CHAF1A: variants seen among roughly 807,000 people sequenced by gnomAD.
CHAF1A encodes CAF-1 subunit A.
In CHAF1A, 5 loss-of-function variants were observed where a neutral mutation model predicts 93.2. The ratio of observed to expected loss-of-function variants is 0.05; its 90% CI spans 0.03 to 0.11. The LOEUF is 0.11. Among genes scored for constraint, CHAF1A ranks in the 10% least tolerant of loss-of-function variants. The pLI, the probability that CHAF1A is intolerant of heterozygous loss-of-function variation, is 1.00. For synonymous variants in CHAF1A, 504 were observed against 510.3 expected (o/e 0.99, Z 0.17); for missense variants, 1,102 against 1,259.9 (o/e 0.87, Z 1.90).
chr19:4,445,623 C>G (rs374894185), downstream of CHAF1A: 2 of 1,612,606 alleles, frequency 1.2e-6, no homozygotes, highest in Non-Finnish European at 1.7e-6. Flanking sequence ...GCAGAGGGCA[C>G]CTGCGGTAGG....
chr19:4,407,914 C>G (rs1052417839), intron 2 of CHAF1A, among the ~76,000 whole-genome samples: 1 of 151,870 alleles, frequency 6.6e-6, no homozygotes, highest in African/African-American at 2.4e-5. Flanking sequence ...CGCCATTGCA[C>G]TCCAACATGG....
chr19:4,414,692 A>G (rs978518017), intron 3 of CHAF1A, among the ~76,000 whole-genome samples: 19 of 152,062 alleles, frequency 1.2e-4, no homozygotes, highest in African/African-American at 4.6e-4. Context: ...TGTAGGTTAC[A>G]GAGCTGTTTT....
intron 11 of CHAF1A, 144 bp downstream of exon 11, chr19:4,430,785 G>A (rs937888844): frequency 4.5e-5 from 36 of 795,624 alleles, no homozygotes; most frequent in Middle Eastern, 3.7e-4. Flanking sequence ...AAGCTCACTC[G>A]TGGGAACAGC....
Position 4,422,908 on chromosome 19 carries a change from C to T in CHAF1A, c.1247+113C>T. On this transcript the variant is annotated intron_variant, in intron 5 of 14. Transcript: ENST00000301280. The surrounding 1 kb of genome is among the most constrained non-coding windows in gnomAD (Gnocchi z 4.6). Reference sequence around the variant, plus strand: ...AGGCAGATGGCGGCTCCCTTCAGTTCCTTCCCATTTCTCCTTCGTGAGGTG... The same window carrying T: ...AGGCAGATGGCGGCTCCCTTCAGTTTCTTCCCATTTCTCCTTCGTGAGGTG... 9.9e-7 allele frequency: 1 copy of T among 1,010,196 alleles called. No individual in the cohort carries two copies. 62.6% of individuals were successfully genotyped at this position (1,010,196 alleles called of 1,614,324 possible).
downstream of CHAF1A, chr19:4,447,412 G>A (rs1183040836): frequency 4.6e-5 from 41 of 891,868 alleles, 3 homozygotes; most frequent in South Asian, 4.6e-4. Context: ...TCTACTGGCC[G>A]AACCCTTCAC....
At chr19:4,403,658 A>C (rs1282919836) in intron 1 of CHAF1A, among the ~76,000 whole-genome samples, 1 of 152,264 alleles carries the variant, frequency 6.6e-6, no homozygotes, top group Non-Finnish European at 1.5e-5. Context: ...TTTGCAGGCC[A>C]GTAGCAGCCC....
chr19:4,420,563 C>T (rs906663505), intron 4 of CHAF1A, among the ~76,000 whole-genome samples: 4 of 152,184 alleles, frequency 2.6e-5, no homozygotes, highest in Non-Finnish European at 5.9e-5. Context: ...CATTGAACTT[C>T]AGATTACGTA....
chr19:4,423,912 CT>C (rs1974035720), intron 7 of CHAF1A, 38 bp downstream of exon 7: 2 of 1,583,236 alleles, frequency 1.3e-6, no homozygotes, highest in Non-Finnish European at 1.7e-6. Flanking sequence ...GGTTTCAGCT[CT>C]GCTAGACTTT....
intron 3 of CHAF1A, among the ~76,000 whole-genome samples, chr19:4,416,764 G>T (rs778590352): frequency 6.6e-6 from 1 of 152,014 alleles, no homozygotes. Context: ...GGTGGCACAC[G>T]CCTATAATCC....
At chr19:4,442,143 TG>T in intron 13 of CHAF1A, 101 bp from the exon 14 acceptor site, 1 of 863,224 alleles carries the variant, frequency 1.2e-6, no homozygotes, top group Non-Finnish European at 1.9e-6. Context: ...GTGTTGGGGG[TG>T]GGAGGAAGGT....
rs994023037 is a variant in CHAF1A, at chr19:4,402,752, C to T, written c.-11C>T. 10 of 1,202,400 alleles carry T rather than the reference C, an allele frequency of 8.3e-6. No individual in the cohort carries two copies. Among genetic ancestry groups the T allele is most frequent in the Non-Finnish European group, 1.0e-5 (10 of 968,898 alleles). The allele number at this position is 1,202,400 out of a possible 1,614,324, so 74.5% of individuals were successfully genotyped here. On this transcript the variant is annotated 5_prime_UTR_variant, in exon 1 of 15. Transcript: ENST00000301280. ...CGCCGCCTGAGAGGAGGTCGAGCTG[C>T]CGCCGGGGCGATGCTGGAGGAGCTG...
In CHAF1A at chr19:4,433,374, G is replaced by A. The variant is rs774612507; in HGVS notation, c.2508G>A (p.Pro836=). ...QSFQQEHLPV[P]CQWSYVTSVP... ...TCCAGCAGGAGCACCTGCCCGTGCC[G>A]TGCCAGTGGAGCTATGTGACATCGG... The change falls in exon 13 of 15, where the codon CCG becomes CCA. Residue 836 remains proline (P), a synonymous_variant. Transcript: ENST00000301280. The surrounding 1 kb of genome is among the most constrained non-coding windows in gnomAD (Gnocchi z 5.6). The A allele has an allele frequency of 3.2e-5, 51 of 1,613,048 alleles. No homozygotes were observed. The Admixed American group carries it at 4.2e-4, about 13-fold the overall frequency.
At position 4,422,624 on chromosome 19, in the gene CHAF1A, A is replaced by G; in HGVS notation, c.1076A>G (p.Lys359Arg). The change falls in exon 5 of 15, where the codon AAG becomes AGG. Residue 359 changes from lysine (K) to arginine (R), a missense_variant. Coordinates refer to ENST00000301280, the MANE Select transcript of CHAF1A (RefSeq NM_005483.3). This position sits in a 1 kb window ranked among gnomAD's most constrained non-coding sequence, Gnocchi z 4.6. ...CGTGCAGAAAGGGAAGAAAAGGAGAAGCTGAAAGAGGAGGCCAAGCGGGCC... is the reference window on the plus strand; with the variant it reads ...CGTGCAGAAAGGGAAGAAAAGGAGAGGCTGAAAGAGGAGGCCAAGCGGGCC... ...KLRAEREEKEKLKEEAKRAKE... is the reference protein window; with the variant it reads ...KLRAEREEKERLKEEAKRAKE... 1 of 1,592,286 alleles carries G rather than the reference A, an allele frequency of 6.3e-7. No individual in the cohort carries two copies. The highest frequency in any genetic ancestry group is 8.6e-7 in the Non-Finnish European group (1 of 1,169,432).
intron 2 of CHAF1A, among the ~76,000 whole-genome samples, chr19:4,408,312 T>G (rs1973720311): frequency 1.3e-5 from 2 of 149,754 alleles, no homozygotes; most frequent in African/African-American, 4.9e-5. Flanking sequence ...CCTGCCTCAG[T>G]CTCCCGAGTA....
In CHAF1A at chr19:4,432,067, G is replaced by C. The variant is rs368198402; in HGVS notation, c.2063G>C (p.Cys688Ser). Reference protein sequence around the residue: ...FRVLQPVKIGCVWAADRDCAG... With the variant: ...FRVLQPVKIGSVWAADRDCAG... ...GTCCTGCAACCTGTGAAGATCGGCT[G>C]CGTGTGGGCGGCTGACAGAGACTGC... The change falls in exon 12 of 15, where the codon TGC (cysteine) becomes TCC (serine). Residue 688 changes from cysteine (C) to serine (S), a missense_variant. Transcript: ENST00000301280. 6.9e-5 allele frequency: 112 copies of C among 1,613,974 alleles called. No homozygotes were observed. The highest frequency in any genetic ancestry group is 8.7e-5 in the Non-Finnish European group (103 of 1,180,026).
At chr19:4,420,601 A>G (rs539885582) in intron 4 of CHAF1A, among the ~76,000 whole-genome samples, 1 of 152,286 alleles carries the variant, frequency 6.6e-6, no homozygotes, top group East Asian at 1.9e-4. Context: ...GCCACTGCCA[A>G]GTCTTTGGAA....
rs747750687 is a variant in CHAF1A at position 4,427,136 on chromosome 19, C to CT, written c.1378-1497dup. Among the ~76,000 whole-genome samples, 102 of 31,944 alleles carry CT rather than the reference C, an allele frequency of 3.2e-3. 16 individuals are homozygous for CT. Among genetic ancestry groups the CT allele is most frequent in the African/African-American group, 8.5e-3 (58 of 6,818 alleles). 21.0% of individuals were successfully genotyped at this position (31,944 alleles called of 152,430 possible). ...GTGATCTTTCAAAAAAAGACCCTGT[C>CT]TTTTTTTTTTTTTTTTTTTTTTTTT... On this transcript the variant is annotated intron_variant, in intron 7 of 14. Coordinates refer to ENST00000301280, the MANE Select transcript of CHAF1A (RefSeq NM_005483.3).
intron 3 of CHAF1A, among the ~76,000 whole-genome samples, chr19:4,415,902 G>A (rs572325332): frequency 3.3e-5 from 5 of 152,258 alleles, no homozygotes; most frequent in East Asian, 1.9e-4. Context: ...GGCCGGGCGC[G>A]GTGGCTCACG....
Position 4,409,758 on chromosome 19 carries a change from G to T in CHAF1A, c.959G>T (p.Arg320Ile). ...SPFPTSTPLR[R>I]ITKKFVKGST... Reference sequence around the variant, plus strand: ...TTCCCCACCTCCACGCCCCTCCGCAGAGTGAGTATCTCCCATGGAGTCCCT... The same window carrying T: ...TTCCCCACCTCCACGCCCCTCCGCATAGTGAGTATCTCCCATGGAGTCCCT... Residue 320 changes from arginine (R) to isoleucine (I), a missense_variant and splice_region_variant, in exon 3 of 15, where the codon AGA (arginine) becomes ATA (isoleucine). Physicochemically the swap from Arg to Ile is moderately conservative, Grantham distance 97. This residue lies in a region of CHAF1A where 379 missense variants were observed against 365.7 expected (regional missense o/e 1.04). Transcript: ENST00000301280. The T allele has an allele frequency of 6.2e-7, 1 of 1,605,666 alleles. No homozygotes were observed. Among genetic ancestry groups the T allele is most frequent in the Non-Finnish European group, 8.5e-7 (1 of 1,174,374 alleles).
Sources: allele counts gnomAD v4.1 joint callset (sites outside exome capture counted in the v4.1 genomes callset), GRCh38; gene constraint gnomAD v4.1.1; regional missense constraint gnomAD v4.1.1; non-coding constraint Gnocchi (gnomAD v3.1); transcripts MANE v1.5; gene names NCBI Gene and HGNC (gene_info 2026-07-23, HGNC 2026-07-21).